The following DENND3 variants were observed in gnomAD, a reference collection of about 807,000 sequenced individuals.
The protein encoded by DENND3 is DENN domain-containing protein 3.
A neutral mutation model predicts 135.1 loss-of-function variants in DENND3; 88 were observed. The observed-to-expected ratio is 0.65, with a 90% CI of 0.55 to 0.78. The LOEUF is 0.78. Ranked by LOEUF, DENND3 falls within the 30% of genes least tolerant of loss-of-function variation. The pLI, the probability that DENND3 is intolerant of heterozygous loss-of-function variation, is 0.00. For missense variants in DENND3, 1,392 were observed against 1,688.4 expected, an observed-to-expected ratio of 0.82 and a Z score of 3.08; for synonymous variants, 693 against 712.3, an observed-to-expected ratio of 0.97 and a Z score of 0.43.
At position 141,182,595 on chromosome 8, in the gene DENND3, C is replaced by T; in HGVS notation, c.2944+1741C>T. The stretch of plus-strand genomic sequence containing the variant: ...TTCCCCTCCAGGAGCATCTCGAAGG[C>T]CTGCAGAGAGCGTGCAAAGCAGCCG... On this transcript the variant is annotated intron_variant, in intron 17 of 22. Transcript: ENST00000519811. This position sits in a 1 kb window ranked among gnomAD's most constrained non-coding sequence, Gnocchi z 5.9. The T allele has an allele frequency of 1.5e-6, 1 of 663,660 alleles. No individual in the cohort carries two copies. Among genetic ancestry groups the T allele is most frequent in the Non-Finnish European group, 1.9e-6 (1 of 537,044 alleles). 41.1% of individuals were successfully genotyped at this position (663,660 alleles called of 1,614,324 possible).
At chr8:141,178,222 G>T (rs758462707) in intron 16 of DENND3, 26 bp downstream of exon 16, 1 of 1,599,568 alleles carries the variant, frequency 6.3e-7, no homozygotes, top group Non-Finnish European at 8.6e-7. Context: ...TCTTAGCGTG[G>T]ATCATTGTCC....
At position 141,150,244 on chromosome 8, in the gene DENND3, A is replaced by G. The variant is rs6995905; in HGVS notation, c.736-590A>G. On this transcript the variant is annotated intron_variant, in intron 5 of 22. Coordinates refer to ENST00000519811, the MANE Select transcript of DENND3 (RefSeq NM_001352890.3). ...CTGGCAGGCTCAGAAGCCCTCCCTCAGTGAAGGAACTGAACCTTCTCCTCT... is the reference window on the plus strand; with the variant it reads ...CTGGCAGGCTCAGAAGCCCTCCCTCGGTGAAGGAACTGAACCTTCTCCTCT... 1,854 of 1,102,432 alleles carry G rather than the reference A, an allele frequency of 1.7e-3. 37 individuals carry two copies. The African/African-American group carries it at 0.027, about 16-fold the overall frequency. The allele number at this position is 1,102,432 out of a possible 1,614,324, so 68.3% of individuals were successfully genotyped here.
rs185565092 is a variant in DENND3 at position 141,144,527 on chromosome 8, T to A, written c.735+268T>A. Reference sequence around the variant, plus strand: ...TTATACCCTCTCCCTCTTGCGTGAGTGTATGGGGTGTTTGTGTATAGGGTT... The same window carrying A: ...TTATACCCTCTCCCTCTTGCGTGAGAGTATGGGGTGTTTGTGTATAGGGTT... On this transcript the variant is annotated intron_variant, in intron 5 of 22. Transcript: ENST00000519811. The surrounding 1 kb of genome is among the most constrained non-coding windows in gnomAD (Gnocchi z 4.4). 1.0e-3 allele frequency among the ~76,000 whole-genome samples: 156 copies of A among 150,746 alleles called. No homozygotes were observed. The highest frequency in any genetic ancestry group is 1.7e-3 in the Non-Finnish European group (114 of 67,736).
At position 141,175,629 on chromosome 8, in the gene DENND3, G is replaced by T. The variant is rs759677829; in HGVS notation, c.2535+170G>T. The stretch of plus-strand genomic sequence containing the variant: ...TGCTCATCTGTAAAGTAGGAATAAG[G>T]CTGATACCTTCTCAGTGGGTGGTGG... On this transcript the variant is annotated intron_variant, in intron 14 of 22. Transcript: ENST00000519811. The surrounding 1 kb of genome is among the most constrained non-coding windows in gnomAD (Gnocchi z 5.4). 1 of 946,648 alleles carries T rather than the reference G, an allele frequency of 1.1e-6. No homozygotes were observed. Among genetic ancestry groups the T allele is most frequent in the South Asian group, 1.4e-5 (1 of 72,218 alleles). 58.6% of individuals were successfully genotyped at this position (946,648 alleles called of 1,614,324 possible).
Position 141,163,331 on chromosome 8 carries a change from A to G in DENND3, c.1353-2A>G. On this transcript the variant is annotated splice_acceptor_variant, in intron 9 of 22. Coordinates refer to ENST00000519811, the MANE Select transcript of DENND3 (RefSeq NM_001352890.3). LOFTEE classifies it high-confidence loss of function. Reference sequence around the variant, plus strand: ...CACTCAGACTCTCTTTCTCTTTGTTAGGGATGTAAAGAATCATTTAAACTA... The same window carrying G: ...CACTCAGACTCTCTTTCTCTTTGTTGGGGATGTAAAGAATCATTTAAACTA... The G allele has an allele frequency of 6.4e-7, 1 of 1,568,698 alleles. No homozygotes were observed. Among genetic ancestry groups the G allele is most frequent in the Non-Finnish European group, 8.7e-7 (1 of 1,144,098 alleles).
chr8:141,150,778 G>T, intron 5 of DENND3, 56 bp from the exon 6 acceptor site: 2 of 1,517,918 alleles, frequency 1.3e-6, no homozygotes, highest in Non-Finnish European at 1.8e-6. Flanking sequence ...AGTAGTGCAC[G>T]TCAGCCTCTG....
At position 141,188,967 on chromosome 8, in the gene DENND3, T is replaced by A; in HGVS notation, c.3085-19T>A. 1 of 1,607,368 alleles carries A rather than the reference T, an allele frequency of 6.2e-7. No individual in the cohort carries two copies. Among genetic ancestry groups the A allele is most frequent in the Middle Eastern group, 1.7e-4 (1 of 6,018 alleles). ...ATCGAGACTGACTGATTTCTCACGT[T>A]CCCGTGGCCTCCTGTTAGAACTGCA... On this transcript the variant is annotated intron_variant, in intron 18 of 22. Transcript: ENST00000519811.
Position 141,144,168 on chromosome 8 carries a change from C to T in DENND3, c.644C>T (p.Pro215Leu), listed in dbSNP as rs745587771. 1 of 1,612,344 alleles carries T rather than the reference C, an allele frequency of 6.2e-7. No homozygotes were observed. Among genetic ancestry groups the T allele is most frequent in the Non-Finnish European group, 8.5e-7 (1 of 1,179,598 alleles). Residue 215 changes from proline (P) to leucine (L), a missense_variant, in exon 5 of 23, where the codon CCC (proline) becomes CTC (leucine). By Grantham distance (98) the Pro-to-Leu change is moderately conservative. Transcript: ENST00000519811. This position sits in a 1 kb window ranked among gnomAD's most constrained non-coding sequence, Gnocchi z 4.4. Reference sequence around the variant, plus strand: ...TTCAGTTTATTGGCTCTTCTGAAGCCCTGTAAAGATTTTGAAGTGGACAGT... The same window carrying T: ...TTCAGTTTATTGGCTCTTCTGAAGCTCTGTAAAGATTTTGAAGTGGACAGT... ...CLSCLLALLK[P>L]CKDFEVDSHI...
chr8:141,183,308 C>T (rs763709607), intron 17 of DENND3, among the ~76,000 whole-genome samples: 7 of 152,132 alleles, frequency 4.6e-5, no homozygotes, highest in Admixed American at 2.0e-4. Context: ...TGCAGTGGCG[C>T]GATCACACCT....
At chr8:141,165,462 TTC>T (rs1410313804) in intron 11 of DENND3, among the ~76,000 whole-genome samples, 173 bp downstream of exon 11, 18 of 151,638 alleles carry the variant, frequency 1.2e-4, no homozygotes, top group Admixed American at 4.6e-4. Flanking sequence ...TTTCTACTTC[TTC>T]TTTTTTTTTT....
chr8:141,180,766 G>GACAACCCTGGAA lies in DENND3; in HGVS notation c.2860_2871dup (p.Thr954_Thr957dup). The GACAACCCTGGAA allele has an allele frequency of 6.2e-7, 1 of 1,613,140 alleles. No homozygotes were observed. Among genetic ancestry groups the GACAACCCTGGAA allele is most frequent in the Non-Finnish European group, 8.5e-7 (1 of 1,179,482 alleles). On this transcript the variant is annotated inframe_insertion, in exon 17 of 23. Coordinates refer to ENST00000519811, the MANE Select transcript of DENND3 (RefSeq NM_001352890.3). ...TTTCAGTGCCCATGACGCTTCCGGAGACAACCCTGGAAACACTGAAGCATA... is the reference window on the plus strand; with the variant it reads ...TTTCAGTGCCCATGACGCTTCCGGAGACAACCCTGGAAACAACCCTGGAAACACTGAAGCATA...
chr8:141,190,378 C>T lies in DENND3; in HGVS notation c.3340C>T (p.Leu1114=). The change falls in exon 20 of 23, where the codon CTG becomes TTG. Residue 1114 remains leucine, a synonymous_variant. Transcript: ENST00000519811. ...CCGCTTCCAGCTGCCGCGAGGTGGC[C>T]TGACGTCCATCAGACTGCACGGCGG... ...TSRFQLPRGG[L]TSIRLHGGRL... is the part of the protein sequence containing the mutation. 6.2e-7 allele frequency: 1 copy of T among 1,612,852 alleles called. No individual in the cohort carries two copies. The highest frequency in any genetic ancestry group is 8.5e-7 in the Non-Finnish European group (1 of 1,179,828).
Position 141,166,537 on chromosome 8 carries a change from T to G in DENND3, c.1753+148T>G. On this transcript the variant is annotated intron_variant, in intron 12 of 22. Transcript: ENST00000519811. The surrounding 1 kb of genome is among the most constrained non-coding windows in gnomAD (Gnocchi z 4.3). ...TATTTGAAATGTTTAGAATATTCAT[T>G]TTGCCAAGGTATGCCTTCTAGAAAA... is the stretch of plus-strand genomic sequence containing the variant. 1 of 924,104 alleles carries G rather than the reference T, an allele frequency of 1.1e-6. No homozygotes were observed. Among genetic ancestry groups the G allele is most frequent in the South Asian group, 1.7e-5 (1 of 57,366 alleles). 57.2% of individuals were successfully genotyped at this position (924,104 alleles called of 1,614,324 possible).
chr8:141,171,313 C>T (rs966575744), intron 13 of DENND3, among the ~76,000 whole-genome samples: 1 of 152,214 alleles, frequency 6.6e-6, no homozygotes, highest in South Asian at 2.1e-4. Flanking sequence ...GCAATTTCAT[C>T]ATTACATACT....
In DENND3 at chr8:141,130,876, A is replaced by G. The variant is rs1815993255; in HGVS notation, c.102+2067A>G. On this transcript the variant is annotated intron_variant, in intron 1 of 22. Coordinates refer to ENST00000519811, the MANE Select transcript of DENND3 (RefSeq NM_001352890.3). The surrounding 1 kb of genome is among the most constrained non-coding windows in gnomAD (Gnocchi z 4.2). ...TAATTTTTGTATTTTTAGTAGAGAC[A>G]GGGTTTCACCACGTTGGTCAGGCTG... 2.6e-5 allele frequency among the ~76,000 whole-genome samples: 4 copies of G among 152,066 alleles called. No individual in the cohort carries two copies. Among genetic ancestry groups the G allele is most frequent in the Admixed American group, 2.6e-4 (4 of 15,252 alleles).
rs371493960 is a variant in DENND3 at position 141,192,680 on chromosome 8, G to A, written c.3636+17G>A. On this transcript the variant is annotated intron_variant, in intron 22 of 22. Coordinates refer to ENST00000519811, the MANE Select transcript of DENND3 (RefSeq NM_001352890.3). ...AAGAAGCAGGTAGGGTGGAGGGCCC[G>A]CCATCCCCAGCATCCCCGGCAGGTC... 149 of 1,605,174 alleles carry A rather than the reference G, an allele frequency of 9.3e-5. No individual in the cohort carries two copies. In the African/African-American group the frequency reaches 1.7e-3, roughly 18 times the overall value.
At chr8:141,191,142 G>C (rs1386895288) in intron 20 of DENND3, 1 of 152,268 alleles carries the variant, frequency 6.6e-6, no homozygotes, top group Non-Finnish European at 1.5e-5. Flanking sequence ...AACAAATCAA[G>C]ACACGCAGCG....
rs1022563582 is a variant in DENND3 at position 141,141,997 on chromosome 8, T to C, written c.623+673T>C. The stretch of plus-strand genomic sequence containing the variant: ...AGTTCAAGGCTGCAGTGAGCTGTGA[T>C]TGCACCACCACACTCCAGCCTAGGT... On this transcript the variant is annotated intron_variant, in intron 4 of 22. Transcript: ENST00000519811. This position sits in a 1 kb window ranked among gnomAD's most constrained non-coding sequence, Gnocchi z 5.3. 8.7e-6 allele frequency: 2 copies of C among 228,762 alleles called. No individual in the cohort carries two copies. Among genetic ancestry groups the C allele is most frequent in the Non-Finnish European group, 1.8e-5 (2 of 112,998 alleles). The allele number at this position is 228,762 out of a possible 1,614,324, so 14.2% of individuals were successfully genotyped here.
At chr8:141,186,620 C>G (rs1823925591) in intron 18 of DENND3, among the ~76,000 whole-genome samples, 1 of 152,200 alleles carries the variant, frequency 6.6e-6, no homozygotes. Flanking sequence ...CTCAGGGAAG[C>G]CACAAGAGTG....
Sources: allele counts gnomAD v4.1 joint callset (sites outside exome capture counted in the v4.1 genomes callset), GRCh38; gene constraint gnomAD v4.1.1; non-coding constraint Gnocchi (gnomAD v3.1); transcripts MANE v1.5; gene names NCBI Gene and HGNC (gene_info 2026-07-23, HGNC 2026-07-21).